The following DOCK1 variants were observed in gnomAD, a reference collection of about 807,000 sequenced individuals.
DOCK1 encodes dedicator of cytokinesis protein 1.
A neutral mutation model predicts 262.7 loss-of-function variants in DOCK1; 138 were observed. That is an observed-to-expected ratio of 0.53 (90% CI 0.46 to 0.61). DOCK1 has a LOEUF of 0.61. DOCK1 is among the 20% of genes least tolerant of loss of function. The pLI is 0.00. For synonymous variants in DOCK1, 866 were observed against 867.4 expected (o/e 1.00, Z 0.03); for missense variants, 1,908 against 2,370.7 (o/e 0.80, Z 4.05).
chr10:127,439,164 A>G lies in DOCK1; in HGVS notation c.5198A>G (p.Lys1733Arg). Residue 1733 changes from lysine (K) to arginine (R), a missense_variant, in exon 49 of 52, where the codon AAA (lysine) becomes AGA (arginine). Physicochemically the swap from Lys to Arg is conservative, Grantham distance 26. Around this residue, in one of 9 missense-constraint regions of DOCK1, gnomAD observed 383 missense variants for 420.1 expected, o/e 0.91. Coordinates refer to ENST00000623213, the MANE Select transcript of DOCK1 (RefSeq NM_001290223.2). ...RNSKHQEIFEKEFKPTDISLQ... is the reference protein window; with the variant it reads ...RNSKHQEIFEREFKPTDISLQ... ...AGCAAACATCAAGAGATATTTGAGA[A>G]AGAATTTAAACCCACCGACATTTCC... 1.9e-6 allele frequency: 3 copies of G among 1,610,794 alleles called. No individual in the cohort carries two copies. The highest frequency in any genetic ancestry group is 1.1e-5 in the South Asian group (1 of 89,770).
intron 47 of DOCK1, among the ~76,000 whole-genome samples, chr10:127,427,310 G>T (rs11018049): frequency 2.0e-5 from 3 of 152,124 alleles, no homozygotes; most frequent in Non-Finnish European, 1.5e-5. Context: ...GGTGTCGAGT[G>T]GGGTGTGCCA....
At chr10:127,435,634 G>A (rs1263407713) in intron 48 of DOCK1, among the ~76,000 whole-genome samples, 1 of 152,128 alleles carries the variant, frequency 6.6e-6, no homozygotes, top group Non-Finnish European at 1.5e-5. Flanking sequence ...TAGGAACATA[G>A]GGGTTAGGGT....
chr10:126,951,754 T>C (rs2036269077), intron 1 of DOCK1, among the ~76,000 whole-genome samples: 1 of 151,896 alleles, frequency 6.6e-6, no homozygotes, highest in Non-Finnish European at 1.5e-5. Context: ...TTCCTAGAAC[T>C]AAATCAAATG....
At chr10:127,428,957 G>A (rs1405298651) in intron 47 of DOCK1, among the ~76,000 whole-genome samples, 3 of 105,724 alleles carry the variant, frequency 2.8e-5, no homozygotes, top group South Asian at 3.4e-4. Context: ...TTGGGGTGCT[G>A]TGTGGATTCG....
At chr10:127,204,108 G>A (rs1045633134) in intron 27 of DOCK1, among the ~76,000 whole-genome samples, 2 of 152,046 alleles carry the variant, frequency 1.3e-5, no homozygotes, top group Non-Finnish European at 2.9e-5. Flanking sequence ...CTGGACGGAG[G>A]CTTCTGAGTG....
At chr10:127,387,731 A>G (rs1333687721) in intron 38 of DOCK1, among the ~76,000 whole-genome samples, 1 of 152,110 alleles carries the variant, frequency 6.6e-6, no homozygotes, top group African/African-American at 2.4e-5. Flanking sequence ...TACATTATGG[A>G]CGTGTGTGGA....
chr10:127,292,357 G>A (rs2061373150), intron 29 of DOCK1, among the ~76,000 whole-genome samples: 1 of 152,088 alleles, frequency 6.6e-6, no homozygotes, highest in African/African-American at 2.4e-5. Context: ...CCCTGCTACT[G>A]GTTGGGAGCG....
chr10:126,935,058 G>C (rs1001657943), intron 1 of DOCK1, among the ~76,000 whole-genome samples: 11 of 152,102 alleles, frequency 7.2e-5, no homozygotes, highest in Non-Finnish European at 1.6e-4. Flanking sequence ...TGCAGTGAGC[G>C]GATCACGCCA....
At chr10:127,157,633 G>A (rs1031993473) in intron 27 of DOCK1, among the ~76,000 whole-genome samples, 23 of 152,178 alleles carry the variant, frequency 1.5e-4, no homozygotes, top group African/African-American at 4.8e-4. Flanking sequence ...GAGTCATTGT[G>A]TTTTCTTTGG....
intron 27 of DOCK1, among the ~76,000 whole-genome samples, chr10:127,200,430 GT>G (rs1338915170): frequency 1.3e-5 from 2 of 152,070 alleles, no homozygotes; most frequent in Non-Finnish European, 2.9e-5. Flanking sequence ...TTTTGTTTTT[GT>G]TTTTGTTTTG....
chr10:126,916,926 C>T (rs908801199), intron 1 of DOCK1, among the ~76,000 whole-genome samples: 6 of 145,184 alleles, frequency 4.1e-5, no homozygotes, highest in African/African-American at 5.1e-5. Flanking sequence ...GTGAGGCCAG[C>T]GGTGTTTCAG....
At position 127,385,106 on chromosome 10, in the gene DOCK1, T is replaced by G. The variant is rs2274378; in HGVS notation, c.3927+197T>G. On this transcript the variant is annotated intron_variant, in intron 38 of 51. Coordinates refer to ENST00000623213, the MANE Select transcript of DOCK1 (RefSeq NM_001290223.2). ...TCTTTTAAAAAAAATCAATAGCCCT[T>G]TTATAGATGCTCTAAAAAAGCACCA... is the stretch of plus-strand genomic sequence containing the variant. 3.1e-3 allele frequency among the ~76,000 whole-genome samples: 473 copies of G among 152,256 alleles called. 10 individuals are homozygous for G. Among genetic ancestry groups the G allele is most frequent in the East Asian group, 0.029 (150 of 5,172 alleles).
At chr10:127,278,235 A>G (rs2060816229) in intron 29 of DOCK1, among the ~76,000 whole-genome samples, 1 of 151,986 alleles carries the variant, frequency 6.6e-6, no homozygotes, top group African/African-American at 2.4e-5. Flanking sequence ...CACTGTAGTT[A>G]CCTTTTAAAA....
chr10:127,192,379 C>A (rs1039701210), intron 27 of DOCK1, among the ~76,000 whole-genome samples: 4 of 152,174 alleles, frequency 2.6e-5, no homozygotes, highest in Non-Finnish European at 4.4e-5. Flanking sequence ...ATCTGCTGTT[C>A]TACATTCAAG....
At chr10:127,110,691 A>G (rs965454813) in intron 25 of DOCK1, among the ~76,000 whole-genome samples, 5 of 152,212 alleles carry the variant, frequency 3.3e-5, no homozygotes, top group African/African-American at 1.2e-4. Flanking sequence ...ATTGCAAGGA[A>G]AAGAATTCGA....
In DOCK1 at chr10:126,999,344, A is replaced by G; in HGVS notation, c.768-10A>G. 3.1e-6 allele frequency: 5 copies of G among 1,609,944 alleles called. No individual in the cohort carries two copies. In the Admixed American group the frequency reaches 6.7e-5, roughly 22 times the overall value. ...AAAATTAACTTGCTTTTATTTCTCC[A>G]TTTTTCAAGTGAGAACTACCTGGTT... On this transcript the variant is annotated splice_polypyrimidine_tract_variant and intron_variant, in intron 8 of 51. Coordinates refer to ENST00000623213, the MANE Select transcript of DOCK1 (RefSeq NM_001290223.2).
In DOCK1 at chr10:127,175,644, G is replaced by A. The variant is rs377391223; in HGVS notation, c.2847+47880G>A. 301 of 1,613,368 alleles carry A rather than the reference G, an allele frequency of 1.9e-4. 3 individuals carry two copies. Among genetic ancestry groups the A allele is most frequent in the South Asian group, 1.7e-3 (156 of 91,066 alleles). ...AGGTGCGTAAACGGTGGCAACCTCCGTTTTAAACACCCTCCTGAGGGCAGG... is the reference window on the plus strand; with the variant it reads ...AGGTGCGTAAACGGTGGCAACCTCCATTTTAAACACCCTCCTGAGGGCAGG... On this transcript the variant is annotated intron_variant, in intron 27 of 51. Transcript: ENST00000623213. The surrounding 1 kb of genome is among the most constrained non-coding windows in gnomAD (Gnocchi z 6.3).
chr10:127,052,852 G>A, intron 22 of DOCK1, 37 bp downstream of exon 22: 1 of 1,579,098 alleles, frequency 6.3e-7, no homozygotes, highest in Admixed American at 1.9e-5. Flanking sequence ...GGCTCTCAGA[G>A]GACTGGCAGG....
At chr10:127,208,398 A>G (rs1666556518) in intron 27 of DOCK1, among the ~76,000 whole-genome samples, 1 of 152,194 alleles carries the variant, frequency 6.6e-6, no homozygotes, top group African/African-American at 2.4e-5. Context: ...CCAATGGAGT[A>G]TCTTTGCTGT....
Sources: gnomAD v4.1 joint callset for allele counts (sites outside exome capture counted in the v4.1 genomes callset) on GRCh38, gnomAD v4.1.1 for gene constraint, gnomAD v4.1.1 regional missense constraint, Gnocchi (gnomAD v3.1) non-coding constraint, MANE v1.5 for transcripts, NCBI Gene and HGNC (gene_info 2026-07-23, HGNC 2026-07-21) for gene names.